DMBT1: variants seen among roughly 807,000 people sequenced by gnomAD.
DMBT1 encodes the protein deleted in malignant brain tumors 1, also known as scavenger receptor cysteine-rich domain-containing protein DMBT1.
A neutral mutation model predicts 252.9 loss-of-function variants in DMBT1; 198 were observed. The observed-to-expected ratio is 0.78, with a 90% CI of 0.70 to 0.88. The LOEUF is 0.88. DMBT1 is among the 40% of genes least tolerant of loss of function. The probability of loss-of-function intolerance (pLI) is 0.00; values close to 1 mark genes in which losing one functional copy is unlikely to be tolerated. For synonymous variants in DMBT1, 990 were observed against 942.7 expected, an observed-to-expected ratio of 1.05 and a Z score of -0.92; for missense variants, 2,432 against 2,404.7, an observed-to-expected ratio of 1.01 and a Z score of -0.24.
chr10:122,634,446 C>A, intron 52 of DMBT1, among the ~76,000 whole-genome samples: 1 of 73,748 alleles, frequency 1.4e-5, no homozygotes, highest in East Asian at 5.9e-4. Context: ...CTCTCTCTCT[C>A]TCTCTCTCTC....
At chr10:122,573,799 A>G (rs1565590288) in intron 6 of DMBT1, 37 bp downstream of exon 6, 1 of 1,601,270 alleles carries the variant, frequency 6.2e-7, no homozygotes, top group Non-Finnish European at 8.6e-7. Context: ...TAGGCTCATT[A>G]CCCCCCTGCA....
chr10:122,640,066 C>T lies in DMBT1; in HGVS notation c.6969C>T (p.Ser2323=). The T allele has an allele frequency of 6.2e-7, 1 of 1,613,950 alleles. No individual in the cohort carries two copies. The highest frequency in any genetic ancestry group is 8.5e-7 in the Non-Finnish European group (1 of 1,179,846). ...CAGACAATGACACCATCGACTATTC[C>T]AACTTCCTCACAGCAGCTGTCTCAG... is the stretch of plus-strand genomic sequence containing the variant. ...KQADNDTIDY[S]NFLTAAVSGG... Residue 2323 remains serine, a synonymous_variant, in exon 55 of 56, where the codon TCC becomes TCT. Coordinates refer to ENST00000338354, the MANE Select transcript of DMBT1 (RefSeq NM_001377530.1).
chr10:122,625,756 T>A (rs1454086086), intron 45 of DMBT1, among the ~76,000 whole-genome samples, 177 bp from the exon 46 acceptor site: 1 of 152,220 alleles, frequency 6.6e-6, no homozygotes, highest in Non-Finnish European at 1.5e-5. Context: ...GCCAAATATG[T>A]TGGGAGGTGC....
At chr10:122,599,187 G>T (rs552181807) in intron 26 of DMBT1, 90 bp downstream of exon 26, 7 of 1,595,118 alleles carry the variant, frequency 4.4e-6, no homozygotes, top group African/African-American at 1.3e-5. Flanking sequence ...CTCACTCAAA[G>T]CTTCTTCTAT....
At position 122,631,254 on chromosome 10, in the gene DMBT1, C is replaced by T. The variant is rs747972203; in HGVS notation, c.6319C>T (p.Arg2107Cys). ...RGWFSHNCNHREDAGVICSGN... is the reference protein window; with the variant it reads ...RGWFSHNCNHCEDAGVICSGN... Reference sequence around the variant, plus strand: ...CTGGTTCTCCCACAACTGTAATCATCGTGAAGATGCTGGTGTCATCTGCTC... The same window carrying T: ...CTGGTTCTCCCACAACTGTAATCATTGTGAAGATGCTGGTGTCATCTGCTC... The change falls in exon 49 of 56, where the codon CGT becomes TGT. Residue 2107 changes from arginine to cysteine, a missense_variant. This residue lies in a region of DMBT1 where 1,162 missense variants were observed against 1,169.0 expected (regional missense o/e 0.99). Coordinates refer to ENST00000338354, the MANE Select transcript of DMBT1 (RefSeq NM_001377530.1). 32 of 1,613,984 alleles carry T rather than the reference C, an allele frequency of 2.0e-5. No homozygotes were observed. The highest frequency in any genetic ancestry group is 2.7e-5 in the African/African-American group (2 of 75,044).
chr10:122,600,016 A>G (rs754751610), intron 26 of DMBT1, 48 bp from the exon 27 acceptor site: 2 of 1,604,572 alleles, frequency 1.2e-6, no homozygotes, highest in Non-Finnish European at 8.5e-7. Context: ...CACTTTGCCG[A>G]CTTCTGTGTA....
In DMBT1 at chr10:122,630,406, T is replaced by C. The variant is rs1413503709; in HGVS notation, c.5941T>C (p.Tyr1981His). 1.4e-5 allele frequency: 22 copies of C among 1,614,044 alleles called. No homozygotes were observed. Among genetic ancestry groups the C allele is most frequent in the Non-Finnish European group, 1.9e-5 (22 of 1,179,906 alleles). ...NDTRQIFTSS[Y>H]NRMTIHFRSD... ...TACCAGGCAAATATTTACATCTTCT[T>C]ACAACCGAATGACCATTCACTTTCG... The change falls in exon 48 of 56, where the codon TAC becomes CAC. Residue 1981 changes from tyrosine (Y) to histidine (H), a missense_variant. Coordinates refer to ENST00000338354, the MANE Select transcript of DMBT1 (RefSeq NM_001377530.1).
rs367820947 is a variant in DMBT1 at position 122,640,442 on chromosome 10, C to T, written c.7345C>T (p.Arg2449Trp). 2.6e-5 allele frequency: 42 copies of T among 1,611,972 alleles called. No individual in the cohort carries two copies. The highest frequency in any genetic ancestry group is 5.0e-5 in the Admixed American group (3 of 59,968). The part of the protein sequence containing the change: ...DFTSLTYDLI[R>W]SGCVRDDTYG... ...CACGTCTTTGACTTATGATCTAATCCGGAGTGGGTAAGGAGTGTCTTTATG... is the reference window on the plus strand; with the variant it reads ...CACGTCTTTGACTTATGATCTAATCTGGAGTGGGTAAGGAGTGTCTTTATG... Residue 2449 changes from arginine (R) to tryptophan (W), a missense_variant, in exon 55 of 56, where the codon CGG becomes TGG. Arg to Trp is a moderately radical substitution (Grantham distance 101). Around this residue, in one of 3 missense-constraint regions of DMBT1, gnomAD observed 1,162 missense variants for 1,169.0 expected, o/e 0.99. Transcript: ENST00000338354.
intron 41 of DMBT1, 74 bp downstream of exon 41, chr10:122,618,414 G>C: frequency 2.5e-6 from 4 of 1,609,072 alleles, no homozygotes; most frequent in Non-Finnish European, 2.5e-6. Flanking sequence ...ATTACATTCT[G>C]ATCTCCTCAC....
At chr10:122,578,787 G>C (rs766410006) in intron 9 of DMBT1, 28 bp downstream of exon 9, 16 of 1,590,492 alleles carry the variant, frequency 1.0e-5, no homozygotes, top group Non-Finnish European at 1.4e-5. Context: ...CACTCCCTGG[G>C]GCTCACTTTC....
intron 4 of DMBT1, 115 bp from the exon 5 acceptor site, chr10:122,572,199 G>A: frequency 2.1e-6 from 3 of 1,418,656 alleles, no homozygotes; most frequent in Non-Finnish European, 3.0e-6. Context: ...TAGCAATGGA[G>A]GTTGCCTTTA....
At chr10:122,567,399 A>G (rs1591141024) in intron 2 of DMBT1, among the ~76,000 whole-genome samples, 1 of 152,132 alleles carries the variant, frequency 6.6e-6, no homozygotes, top group Admixed American at 6.5e-5. Context: ...ATCTCCATGG[A>G]TTATGTCCCT....
intron 50 of DMBT1, 66 bp from the exon 51 acceptor site, chr10:122,632,795 T>A (rs1480845047): frequency 1.3e-6 from 2 of 1,588,346 alleles, no homozygotes; most frequent in Admixed American, 1.8e-5. Context: ...GCACAGCTCA[T>A]GAGCAGTCGA....
intron 55 of DMBT1, among the ~76,000 whole-genome samples, chr10:122,642,192 C>G (rs1844681171): frequency 6.7e-6 from 1 of 150,130 alleles, no homozygotes; most frequent in South Asian, 2.1e-4. Flanking sequence ...AAAACAAAAA[C>G]AAAAAAGAAA....
In DMBT1 at chr10:122,618,240, G is replaced by A. The variant is rs1308106810; in HGVS notation, c.5115G>A (p.Val1705=). 2.2e-5 allele frequency: 35 copies of A among 1,613,764 alleles called. No homozygotes were observed. Among genetic ancestry groups the A allele is most frequent in the Non-Finnish European group, 2.5e-5 (30 of 1,179,762 alleles). The change falls in exon 41 of 56, where the codon GTG becomes GTA. Residue 1705 remains valine (V), a synonymous_variant. Coordinates refer to ENST00000338354, the MANE Select transcript of DMBT1 (RefSeq NM_001377530.1). Reference sequence around the variant, plus strand: ...CAGGACCCATTGTCCTGGATGATGTGCGCTGCTCAGGACACGAGTCTTACC... The same window carrying A: ...CAGGACCCATTGTCCTGGATGATGTACGCTGCTCAGGACACGAGTCTTACC... ...QGSGPIVLDD[V]RCSGHESYLW... is the part of the protein sequence containing the mutation.
chr10:122,598,812 G>A lies in DMBT1; in HGVS notation c.2995G>A (p.Gly999Ser), dbSNP rs1198326584. The change falls in exon 26 of 56, where the codon GGT (glycine) becomes AGT (serine). Residue 999 changes from glycine to serine, a missense_variant. Gly to Ser is a moderately conservative substitution (Grantham distance 56, BLOSUM62 0). Around this residue, in one of 3 missense-constraint regions of DMBT1, gnomAD observed 1,264 missense variants for 1,082.2 expected, o/e 1.17. Coordinates refer to ENST00000338354, the MANE Select transcript of DMBT1 (RefSeq NM_001377530.1). ...TTTGGCCCTGAGGCTGGTGAATGGA[G>A]GTGACAGGTGTCAGGGCCGAGTGGA... The part of the protein sequence containing the change: ...SSLALRLVNG[G>S]DRCQGRVEVL... The A allele has an allele frequency of 6.2e-7, 1 of 1,613,556 alleles. No homozygotes were observed. Among genetic ancestry groups the A allele is most frequent in the South Asian group, 1.1e-5 (1 of 91,056 alleles).
chr10:122,631,180 T>C lies in DMBT1; in HGVS notation c.6245T>C (p.Val2082Ala). The C allele has an allele frequency of 2.5e-6, 4 of 1,613,982 alleles. No homozygotes were observed. Among genetic ancestry groups the C allele is most frequent in the Non-Finnish European group, 3.4e-6 (4 of 1,179,892 alleles). ...TCTGGCCCCATCACCCTGGACGATGTAGAGTGCTCAGGGACGGAATCCACT... is the reference window on the plus strand; with the variant it reads ...TCTGGCCCCATCACCCTGGACGATGCAGAGTGCTCAGGGACGGAATCCACT... ...SGSGPITLDD[V>A]ECSGTESTLW... is the part of the protein sequence containing the mutation. Residue 2082 changes from valine (V) to alanine (A), a missense_variant, in exon 49 of 56, where the codon GTA becomes GCA. Val to Ala is a moderately conservative substitution (Grantham distance 64, BLOSUM62 0). Around this residue, in one of 3 missense-constraint regions of DMBT1, gnomAD observed 1,162 missense variants for 1,169.0 expected, o/e 0.99. Coordinates refer to ENST00000338354, the MANE Select transcript of DMBT1 (RefSeq NM_001377530.1).
In DMBT1 at chr10:122,630,412, C is replaced by T. The variant is rs780307703; in HGVS notation, c.5947C>T (p.Arg1983Ter). The T allele has an allele frequency of 5.0e-6, 8 of 1,613,874 alleles. No individual in the cohort carries two copies. The highest frequency in any genetic ancestry group is 2.2e-5 in the South Asian group (2 of 91,078). ...GCAAATATTTACATCTTCTTACAAC[C>T]GAATGACCATTCACTTTCGAAGTGA... The part of the protein sequence containing the change: ...TRQIFTSSYN[R>*]MTIHFRSDIS... The change falls in exon 48 of 56, where the codon CGA becomes TGA. Residue 1983 changes from arginine to a stop codon, truncating the protein, a stop_gained. Transcript: ENST00000338354. LOFTEE classifies it high-confidence loss of function.
chr10:122,630,948 A>G lies in DMBT1; in HGVS notation c.6026-13A>G. The G allele has an allele frequency of 4.4e-6, 7 of 1,584,694 alleles. No individual in the cohort carries two copies. Among genetic ancestry groups the G allele is most frequent in the Non-Finnish European group, 6.0e-6 (7 of 1,161,044 alleles). On this transcript the variant is annotated splice_polypyrimidine_tract_variant and intron_variant, in intron 48 of 55. Transcript: ENST00000338354. ...GGACATGGCCATGATCTCTCAGTTA[A>G]TGTGTCTTTCAGATGCCACCTTGAG...
Sources: gnomAD v4.1 joint callset for allele counts (sites outside exome capture counted in the v4.1 genomes callset) on GRCh38, gnomAD v4.1.1 for gene constraint, gnomAD v4.1.1 regional missense constraint, MANE v1.5 for transcripts, NCBI Gene and HGNC (gene_info 2026-07-23, HGNC 2026-07-21) for gene names.